The following CACNA2D1 variants were observed in gnomAD, a reference collection of about 807,000 sequenced individuals.
CACNA2D1 encodes voltage-dependent calcium channel subunit alpha-2/delta-1.
CACNA2D1 carries 53 observed loss-of-function variants against 171.5 expected under a neutral mutation model. The ratio of observed to expected loss-of-function variants is 0.31; its 90% confidence interval spans 0.25 to 0.39. The LOEUF is 0.39. Ranked by LOEUF, CACNA2D1 falls within the 10% of genes least tolerant of loss-of-function variation. The pLI, the probability that CACNA2D1 is intolerant of heterozygous loss-of-function variation, is 1.00. For synonymous variants in CACNA2D1, 442 were observed against 443.1 expected, an observed-to-expected ratio of 1.00 and a Z score of 0.03; for missense variants, 903 against 1,299.8, an observed-to-expected ratio of 0.69 and a Z score of 4.69.
intron 1 of CACNA2D1, among the ~76,000 whole-genome samples, chr7:82,407,514 G>T (rs559032623): frequency 1.3e-5 from 2 of 152,138 alleles, no homozygotes; most frequent in African/African-American, 4.8e-5. Context: ...TAAAATTTTT[G>T]AATGAAGATT....
At chr7:82,301,730 TACACACACAC>T (rs4018910) in intron 3 of CACNA2D1, among the ~76,000 whole-genome samples, 106 of 142,274 alleles carry the variant, frequency 7.5e-4, no homozygotes, top group African/African-American at 1.3e-3. Flanking sequence ...TGGTAAATAA[TACACACACAC>T]ACACACACAC....
At chr7:82,055,534 C>T (rs1367489118) in intron 10 of CACNA2D1, among the ~76,000 whole-genome samples, 2 of 151,664 alleles carry the variant, frequency 1.3e-5, no homozygotes, top group Non-Finnish European at 2.9e-5. Context: ...CAATGATAGA[C>T]TGGATTAAGA....
rs17155748 is a variant in CACNA2D1, at chr7:82,032,675, C to T, written c.1143+122G>A. ...AGTTTATAATCTATGATTCATATGG[C>T]TTTATAATTGGCACAATCAGGTTTT... On this transcript the variant is annotated intron_variant, in intron 12 of 38. Coordinates refer to ENST00000356860, the MANE Select transcript of CACNA2D1 (RefSeq NM_000722.4). 369 of 602,412 alleles carry T rather than the reference C, an allele frequency of 6.1e-4. 1 individual carries two copies. In the African/African-American group the frequency reaches 6.3e-3, roughly 10 times the overall value. 37.3% of individuals were successfully genotyped at this position (602,412 alleles called of 1,614,324 possible).
chr7:82,218,384 A>G (rs972010092), intron 3 of CACNA2D1, among the ~76,000 whole-genome samples: 1 of 152,228 alleles, frequency 6.6e-6, no homozygotes, highest in African/African-American at 2.4e-5. Context: ...CCTAGAATCA[A>G]TGAAGACAGT....
intron 38 of CACNA2D1, among the ~76,000 whole-genome samples, chr7:81,958,085 C>T (rs1403959646): frequency 6.6e-6 from 1 of 151,052 alleles, no homozygotes; most frequent in Non-Finnish European, 1.5e-5. Context: ...CCTATCTGGA[C>T]TTAATATATC....
At chr7:82,170,759 A>T (rs1795937021) in intron 3 of CACNA2D1, 150 bp from the exon 4 acceptor site, 2 of 725,736 alleles carry the variant, frequency 2.8e-6, no homozygotes, top group African/African-American at 3.5e-5. Context: ...ATCATTTAGT[A>T]ATCTAACCTA....
At chr7:82,015,451 TAG>T (rs925854003) in intron 12 of CACNA2D1, among the ~76,000 whole-genome samples, 5 of 152,284 alleles carry the variant, frequency 3.3e-5, no homozygotes, top group African/African-American at 7.2e-5. Context: ...TTAAAATCAA[TAG>T]AGAGTTTTTA....
At chr7:82,207,213 C>T (rs957679849) in intron 3 of CACNA2D1, among the ~76,000 whole-genome samples, 1 of 152,182 alleles carries the variant, frequency 6.6e-6, no homozygotes, top group Non-Finnish European at 1.5e-5. Context: ...ATTATATCAG[C>T]CCCTGGCTGA....
Position 82,063,591 on chromosome 7 carries a change from G to A in CACNA2D1, c.779+713C>T, listed in dbSNP as rs116921870. Among the ~76,000 whole-genome samples, 253 of 150,660 alleles carry A rather than the reference G, an allele frequency of 1.7e-3. 3 individuals are homozygous for A. The East Asian group carries it at 0.019, about 11-fold the overall frequency. ...TTTTTTTCCTCAGGGAAAAACATGA[G>A]CATTTCTTCTCTTGAGGAAAAACAT... is the stretch of plus-strand genomic sequence containing the variant. On this transcript the variant is annotated intron_variant, in intron 9 of 38. Transcript: ENST00000356860.
At chr7:82,002,282 T>G (rs549148388) in intron 18 of CACNA2D1, among the ~76,000 whole-genome samples, 4 of 152,140 alleles carry the variant, frequency 2.6e-5, no homozygotes, top group African/African-American at 7.2e-5. Context: ...CATGTGAGGT[T>G]AGAGTGAGAA....
At chr7:82,319,551 A>T (rs903194146) in intron 3 of CACNA2D1, among the ~76,000 whole-genome samples, 26 of 152,208 alleles carry the variant, frequency 1.7e-4, no homozygotes, top group African/African-American at 6.3e-4. Context: ...AACACTTGAT[A>T]ATTTATTTAG....
At chr7:82,094,204 C>A (rs1046145374) in intron 6 of CACNA2D1, among the ~76,000 whole-genome samples, 9 of 151,036 alleles carry the variant, frequency 6.0e-5, no homozygotes, top group Non-Finnish European at 5.9e-5. Flanking sequence ...GAACAGTGAC[C>A]CGTTGGTTTA....
At chr7:81,962,232 G>T (rs1294098002) in intron 35 of CACNA2D1, among the ~76,000 whole-genome samples, 2 of 151,870 alleles carry the variant, frequency 1.3e-5, no homozygotes, top group Non-Finnish European at 2.9e-5. Flanking sequence ...TCAAATACAA[G>T]ATGGCTATGA....
At chr7:82,270,947 C>G (rs1310516433) in intron 3 of CACNA2D1, among the ~76,000 whole-genome samples, 2 of 152,110 alleles carry the variant, frequency 1.3e-5, no homozygotes, top group Non-Finnish European at 2.9e-5. Flanking sequence ...TAACTACAAA[C>G]TACTTCTTTA....
intron 6 of CACNA2D1, among the ~76,000 whole-genome samples, chr7:82,115,573 T>C (rs1788948365): frequency 6.6e-6 from 1 of 151,926 alleles, no homozygotes; most frequent in South Asian, 2.1e-4. Flanking sequence ...TATTATTATA[T>C]GTAATTATAG....
intron 1 of CACNA2D1, among the ~76,000 whole-genome samples, chr7:82,415,682 A>T (rs1024987933): frequency 2.6e-5 from 4 of 151,988 alleles, no homozygotes; most frequent in African/African-American, 9.7e-5. Context: ...TTTTGTCTTT[A>T]GCTTAATGCA....
intron 3 of CACNA2D1, among the ~76,000 whole-genome samples, chr7:82,321,348 G>T (rs1411513791): frequency 6.6e-6 from 1 of 152,074 alleles, no homozygotes; most frequent in Non-Finnish European, 1.5e-5. Context: ...GCAGTGGGCC[G>T]AGATGGCACC....
chr7:82,064,433 C>G, intron 8 of CACNA2D1, 79 bp from the exon 9 acceptor site: 1 of 1,085,786 alleles, frequency 9.2e-7, no homozygotes, highest in Non-Finnish European at 1.4e-6. Flanking sequence ...TATTTACTGA[C>G]TCTGAGACAA....
chr7:82,266,255 C>G (rs1181751137), intron 3 of CACNA2D1, among the ~76,000 whole-genome samples: 1 of 152,090 alleles, frequency 6.6e-6, no homozygotes, highest in Non-Finnish European at 1.5e-5. Flanking sequence ...TTGACAAGTG[C>G]AGGGTGCTAT....
Sources: gnomAD v4.1 joint callset for allele counts (sites outside exome capture counted in the v4.1 genomes callset) on GRCh38, gnomAD v4.1.1 for gene constraint, MANE v1.5 for transcripts, NCBI Gene and HGNC (gene_info 2026-07-23, HGNC 2026-07-21) for gene names.